The following SUZ12 variants were observed in gnomAD, a reference collection of about 807,000 sequenced individuals.
SUZ12 encodes polycomb protein SUZ12.
SUZ12 carries 17 observed loss-of-function variants against 87.3 expected under a neutral mutation model. The observed-to-expected ratio is 0.19, with a 90% CI of 0.13 to 0.29. The LOEUF (loss-of-function observed/expected upper bound fraction) is 0.29. SUZ12 is among the 10% of genes least tolerant of loss of function. SUZ12 has a pLI of 1.00. For missense variants in SUZ12, 526 were observed against 912.2 expected (o/e 0.58, Z 5.45); for synonymous variants, 253 against 312.4 (o/e 0.81, Z 2.01).
In SUZ12 at chr17:31,994,611, T is replaced by C. The variant is rs113231885; in HGVS notation, c.1485T>C (p.Tyr495=). 1.3e-4 allele frequency: 211 copies of C among 1,614,108 alleles called. No homozygotes were observed. The African/African-American group carries it at 1.7e-3, about 13-fold the overall frequency. The change falls in exon 13 of 16, where the codon TAT becomes TAC. Residue 495 remains tyrosine, a synonymous_variant. Coordinates refer to ENST00000322652, the MANE Select transcript of SUZ12 (RefSeq NM_015355.4). ...ARIDVSINEC[Y]DGSYAGNPQD... ...TAGATGTTTCTATCAATGAGTGTTA[T>C]GATGGCTCCTATGCAGGAAATCCTC...
intron 8 of SUZ12, among the ~76,000 whole-genome samples, chr17:31,982,218 CCA>C (rs1909152068): frequency 6.6e-6 from 1 of 152,038 alleles, no homozygotes; most frequent in African/African-American, 2.4e-5. Flanking sequence ...TCCGTAGTTA[CCA>C]GATTCGTCAT....
intron 8 of SUZ12, among the ~76,000 whole-genome samples, chr17:31,978,832 G>C (rs1908904743): frequency 1.3e-5 from 2 of 152,078 alleles, no homozygotes; most frequent in South Asian, 4.1e-4. Flanking sequence ...ATTCACCCGG[G>C]CATGGTGGCT....
chr17:31,968,808 T>C (rs1032653235), intron 5 of SUZ12, among the ~76,000 whole-genome samples: 2 of 152,198 alleles, frequency 1.3e-5, no homozygotes, highest in African/African-American at 4.8e-5. Context: ...AGCCCTTTGT[T>C]CTCAGGGACC....
intron 14 of SUZ12, 104 bp from the exon 15 acceptor site, chr17:31,996,694 A>G (rs537907216): frequency 1.6e-5 from 11 of 709,662 alleles, no homozygotes; most frequent in Middle Eastern, 4.1e-4. Flanking sequence ...ACTTTGCTGT[A>G]TAAATATGTT....
chr17:31,998,695 C>A lies in SUZ12; in HGVS notation c.1912C>A (p.Leu638Met). 6.3e-7 allele frequency: 1 copy of A among 1,589,452 alleles called. No homozygotes were observed. The highest frequency in any genetic ancestry group is 8.6e-7 in the Non-Finnish European group (1 of 1,168,042). The change falls in exon 16 of 16, where the codon CTG (leucine) becomes ATG (methionine). Residue 638 changes from leucine to methionine, a missense_variant. Leu to Met is a conservative substitution (Grantham distance 15). Coordinates refer to ENST00000322652, the MANE Select transcript of SUZ12 (RefSeq NM_015355.4). ...CAATCAAATGAATCATGCCTGTATG[C>A]TGTTTGTAGAAAATTATGGACAGAA... ...ADNQMNHACMLFVENYGQKII... is the reference protein window; with the variant it reads ...ADNQMNHACMMFVENYGQKII...
At chr17:31,972,271 C>T (rs1908478644) in intron 5 of SUZ12, among the ~76,000 whole-genome samples, 2 of 150,940 alleles carry the variant, frequency 1.3e-5, no homozygotes, top group African/African-American at 4.9e-5. Context: ...GTTGACAGAA[C>T]GAGTCTCTGT....
At chr17:31,998,023 A>T (rs905494679) in intron 15 of SUZ12, among the ~76,000 whole-genome samples, 1 of 151,424 alleles carries the variant, frequency 6.6e-6, no homozygotes, top group Non-Finnish European at 1.5e-5. Flanking sequence ...GGATCACTTG[A>T]GTTGAGGAAT....
chr17:31,949,305 C>T (rs1002917839), intron 4 of SUZ12, among the ~76,000 whole-genome samples: 1 of 152,082 alleles, frequency 6.6e-6, no homozygotes, highest in Non-Finnish European at 1.5e-5. Flanking sequence ...GCAACTCAAA[C>T]ATTAAAATCA....
chr17:31,983,344 C>T (rs371912218), intron 9 of SUZ12, among the ~76,000 whole-genome samples: 9 of 144,834 alleles, frequency 6.2e-5, no homozygotes, highest in Admixed American at 1.4e-4. Flanking sequence ...GGCATGGTCT[C>T]GGCTCACTGC....
chr17:31,937,659 T>C, intron 1 of SUZ12, 139 bp downstream of exon 1: 1 of 1,238,690 alleles, frequency 8.1e-7, no homozygotes, highest in Non-Finnish European at 1.1e-6. Context: ...TGTCCCCCTT[T>C]CGGAGATTAC....
intron 4 of SUZ12, among the ~76,000 whole-genome samples, chr17:31,952,914 T>C (rs1200738731): frequency 6.6e-6 from 1 of 152,184 alleles, no homozygotes; most frequent in Admixed American, 6.5e-5. Context: ...TGCATCTCCA[T>C]GGACTAAAAT....
chr17:31,998,994 A>G lies in SUZ12; in HGVS notation c.2211A>G (p.Gln737=). The G allele has an allele frequency of 6.5e-7, 1 of 1,543,140 alleles. No individual in the cohort carries two copies. The highest frequency in any genetic ancestry group is 1.3e-5 in the South Asian group (1 of 78,822). The part of the protein sequence containing the change: ...VSGVSKQSKK[Q]KL Reference sequence around the variant, plus strand: ...GGGTTTCAAAACAGAGCAAAAAACAAAAACTCTGAAAAGCTCTAACCCCAT... The same window carrying G: ...GGGTTTCAAAACAGAGCAAAAAACAGAAACTCTGAAAAGCTCTAACCCCAT... Residue 737 remains glutamine (Q), a synonymous_variant, in exon 16 of 16, where the codon CAA becomes CAG. Transcript: ENST00000322652.
At chr17:31,956,101 G>T (rs1018581642) in intron 4 of SUZ12, among the ~76,000 whole-genome samples, 2 of 151,910 alleles carry the variant, frequency 1.3e-5, no homozygotes, top group Non-Finnish European at 2.9e-5. Context: ...TTTTAGTAGA[G>T]ATGGGGTTTC....
Position 32,000,003 on chromosome 17 carries a change from T to C in SUZ12, c.*1000T>C, listed in dbSNP as rs938019711. The stretch of plus-strand genomic sequence containing the variant: ...AATAGAATATCCAATAGAGATAAGC[T>C]GACTTGAATCATTTTGAGCAATTTT... On this transcript the variant is annotated 3_prime_UTR_variant, in exon 16 of 16. Coordinates refer to ENST00000322652, the MANE Select transcript of SUZ12 (RefSeq NM_015355.4). The C allele has an allele frequency of 4.3e-6, 1 of 232,862 alleles. No individual in the cohort carries two copies. The highest frequency in any genetic ancestry group is 8.5e-6 in the Non-Finnish European group (1 of 117,808). 14.4% of individuals were successfully genotyped at this position (232,862 alleles called of 1,614,324 possible). A position where few individuals can be genotyped will look rare whatever the true frequency, so the allele number is the denominator to read the frequency against.
intron 3 of SUZ12, 139 bp downstream of exon 3, chr17:31,940,625 G>C: frequency 5.8e-6 from 8 of 1,373,420 alleles, no homozygotes; most frequent in Non-Finnish European, 7.7e-6. Context: ...AAACTGAAGT[G>C]AGAGAGTGAC....
chr17:31,951,430 G>T (rs926509696), intron 4 of SUZ12, among the ~76,000 whole-genome samples: 1 of 151,084 alleles, frequency 6.6e-6, no homozygotes, highest in Non-Finnish European at 1.5e-5. Flanking sequence ...GCAGAAACTT[G>T]TTGGTGGAAG....
At position 32,000,872 on chromosome 17, in the gene SUZ12, A is replaced by ATG. The variant is rs1482610357; in HGVS notation, c.*1871_*1872dup. The ATG allele has an allele frequency of 4.5e-6, 1 of 222,530 alleles. No homozygotes were observed. Among genetic ancestry groups the ATG allele is most frequent in the Non-Finnish European group, 9.0e-6 (1 of 111,284 alleles). 13.8% of individuals were successfully genotyped at this position (222,530 alleles called of 1,614,324 possible). A position where few individuals can be genotyped will look rare whatever the true frequency, so the allele number is the denominator to read the frequency against. On this transcript the variant is annotated 3_prime_UTR_variant, in exon 16 of 16. Transcript: ENST00000322652. Reference sequence around the variant, plus strand: ...ATTTATAAAAAAAGTGCTTTTCTATATGTACCCTTGATAACAGATTTTGAA... The same window carrying ATG: ...ATTTATAAAAAAAGTGCTTTTCTATATGTGTACCCTTGATAACAGATTTTGAA...
At chr17:31,981,300 A>G (rs186504809) in intron 8 of SUZ12, among the ~76,000 whole-genome samples, 3 of 152,328 alleles carry the variant, frequency 2.0e-5, no homozygotes, top group Admixed American at 1.3e-4. Context: ...AAGAAACAAT[A>G]AGAAGTTTAC....
rs1476876939 is a variant in SUZ12 at position 31,937,015 on chromosome 17, G to A, written c.-232G>A. 5.2e-6 allele frequency: 2 copies of A among 384,896 alleles called. No individual in the cohort carries two copies. The highest frequency in any genetic ancestry group is 4.5e-6 in the Non-Finnish European group (1 of 219,976). The allele number at this position is 384,896 out of a possible 1,614,324, so 23.8% of individuals were successfully genotyped here. A position where few individuals can be genotyped will look rare whatever the true frequency, so the allele number is the denominator to read the frequency against. ...GGGCGGGGGAAGTGGGCGGAGCGAGGCCAGGGTAGGGTGAGCGGCCTCCGA... is the reference window on the plus strand; with the variant it reads ...GGGCGGGGGAAGTGGGCGGAGCGAGACCAGGGTAGGGTGAGCGGCCTCCGA... On this transcript the variant is annotated 5_prime_UTR_variant, in exon 1 of 16. Transcript: ENST00000322652.
Sources: allele counts gnomAD v4.1 joint callset (sites outside exome capture counted in the v4.1 genomes callset), GRCh38; gene constraint gnomAD v4.1.1; transcripts MANE v1.5; gene names NCBI Gene and HGNC (gene_info 2026-07-23, HGNC 2026-07-21).